COL4A1: variants seen among roughly 807,000 people sequenced by gnomAD.
COL4A1 encodes collagen alpha-1(IV) chain.
A neutral mutation model predicts 216.6 loss-of-function variants in COL4A1; 40 were observed. That is an observed-to-expected ratio of 0.18 (90% CI 0.14 to 0.24). The LOEUF (loss-of-function observed/expected upper bound fraction) is 0.24. COL4A1 is among the 10% of genes least tolerant of loss of function. The pLI, the probability that COL4A1 is intolerant of heterozygous loss-of-function variation, is 1.00. For synonymous variants in COL4A1, 839 were observed against 810.7 expected, an observed-to-expected ratio of 1.03 and a Z score of -0.59; for missense variants, 1,628 against 2,196.8, an observed-to-expected ratio of 0.74 and a Z score of 5.18.
chr13:110,303,431 A>G (rs1257503929), intron 1 of COL4A1, among the ~76,000 whole-genome samples: 1 of 152,190 alleles, frequency 6.6e-6, no homozygotes, highest in African/African-American at 2.4e-5. Context: ...AGCAAAGTTC[A>G]GCCACCAAGA....
rs1282243178 is a variant in COL4A1, at chr13:110,255,922, A to AG, written c.85-13189dup. Among the ~76,000 whole-genome samples, 7 of 112,178 alleles carry AG rather than the reference A, an allele frequency of 6.2e-5. 1 individual carries two copies. Among genetic ancestry groups the AG allele is most frequent in the Admixed American group, 5.1e-4 (5 of 9,860 alleles). The allele number at this position is 112,178 out of a possible 152,430, so 73.6% of individuals were successfully genotyped here. A position where few individuals can be genotyped will look rare whatever the true frequency, so the allele number is the denominator to read the frequency against. The stretch of plus-strand genomic sequence containing the variant: ...GAAGGGAGGGGGAAGGCAGGAAGGG[A>AG]GGGGGAAGGAGGCAGAGGAAAGAAA... On this transcript the variant is annotated intron_variant, in intron 1 of 51. Transcript: ENST00000375820.
intron 48 of COL4A1, 76 bp downstream of exon 48, chr13:110,162,154 G>T (rs535736541): frequency 1.5e-6 from 2 of 1,307,946 alleles, no homozygotes; most frequent in South Asian, 1.2e-5. Context: ...AGCAGCAGAG[G>T]CGAGTCCAGC....
At chr13:110,290,795 T>C (rs890773334) in intron 1 of COL4A1, among the ~76,000 whole-genome samples, 1 of 152,234 alleles carries the variant, frequency 6.6e-6, no homozygotes, top group Non-Finnish European at 1.5e-5. Flanking sequence ...CAATGATCTG[T>C]CAATATCACT....
intron 1 of COL4A1, among the ~76,000 whole-genome samples, chr13:110,272,265 T>G (rs1294994805): frequency 6.6e-6 from 1 of 152,222 alleles, no homozygotes; most frequent in Non-Finnish European, 1.5e-5. Context: ...CTACACACAT[T>G]TTTCCATAGA....
chr13:110,169,514 A>ACACC (rs1877505264), intron 43 of COL4A1, 115 bp downstream of exon 43: 2 of 1,531,478 alleles, frequency 1.3e-6, no homozygotes, highest in Non-Finnish European at 1.8e-6. Flanking sequence ...ACACACACAC[A>ACACC]CACACACACA....
intron 1 of COL4A1, among the ~76,000 whole-genome samples, chr13:110,304,910 C>A (rs567303071): frequency 5.3e-5 from 8 of 152,296 alleles, no homozygotes; most frequent in African/African-American, 1.9e-4. Flanking sequence ...AAATCCACAG[C>A]ATCTTATCAT....
chr13:110,194,958 A>C lies in COL4A1; in HGVS notation c.1381+65T>G. The C allele has an allele frequency of 2.8e-6, 4 of 1,437,864 alleles. No homozygotes were observed. In the South Asian group the frequency reaches 4.6e-5, roughly 17 times the overall value. The allele number at this position is 1,437,864 out of a possible 1,614,324, so 89.1% of individuals were successfully genotyped here. The stretch of plus-strand genomic sequence containing the variant: ...CCCCCACTTGGCTCCAAAGCCGGTA[A>C]GTATGTGGGAAAAAATCATACGCAA... On this transcript the variant is annotated intron_variant, in intron 22 of 51. Transcript: ENST00000375820.
chr13:110,199,730 C>A (rs1367924359), intron 20 of COL4A1, among the ~76,000 whole-genome samples: 2 of 152,164 alleles, frequency 1.3e-5, no homozygotes, highest in African/African-American at 4.8e-5. Flanking sequence ...GTGGGTAACT[C>A]CTCCAGCCAG....
chr13:110,150,485 A>T, intron 51 of COL4A1, 41 bp from the exon 52 acceptor site: 1 of 1,575,158 alleles, frequency 6.3e-7, no homozygotes, highest in Non-Finnish European at 8.7e-7. Flanking sequence ...CCATCATCTC[A>T]CAGCACGTCA....
chr13:110,293,770 A>T (rs1430414622), intron 1 of COL4A1, among the ~76,000 whole-genome samples: 1 of 152,222 alleles, frequency 6.6e-6, no homozygotes, highest in Non-Finnish European at 1.5e-5. Context: ...AGCTTTTCAC[A>T]TTATACCCTT....
intron 1 of COL4A1, among the ~76,000 whole-genome samples, chr13:110,279,461 T>G (rs775923781): frequency 1.3e-5 from 2 of 152,210 alleles, no homozygotes; most frequent in East Asian, 3.9e-4. Context: ...TGTAAGCTCC[T>G]TGAATGTGCA....
At chr13:110,246,111 G>A (rs1349095343) in intron 1 of COL4A1, among the ~76,000 whole-genome samples, 1 of 151,126 alleles carries the variant, frequency 6.6e-6, no homozygotes, top group Admixed American at 6.6e-5. Context: ...GTCACATTCT[G>A]GGTGGCCTAG....
intron 21 of COL4A1, among the ~76,000 whole-genome samples, chr13:110,196,492 AT>A (rs1878895514): frequency 6.6e-6 from 1 of 152,212 alleles, no homozygotes; most frequent in Non-Finnish European, 1.5e-5. Context: ...GCTCAAGAAT[AT>A]TGAGAGACAT....
At chr13:110,265,070 G>A (rs1057156646) in intron 1 of COL4A1, among the ~76,000 whole-genome samples, 2 of 152,212 alleles carry the variant, frequency 1.3e-5, no homozygotes, top group South Asian at 2.1e-4. Flanking sequence ...ATCATCGATC[G>A]GCCTTGACTG....
At chr13:110,172,613 G>T in intron 41 of COL4A1, 107 bp downstream of exon 41, 2 of 1,090,706 alleles carry the variant, frequency 1.8e-6, no homozygotes, top group Non-Finnish European at 2.8e-6. Context: ...TCCCGTTGCT[G>T]CCTGGCCAAC....
At chr13:110,219,710 A>G (rs1253069392) in intron 2 of COL4A1, among the ~76,000 whole-genome samples, 10 of 100,504 alleles carry the variant, frequency 9.9e-5, no homozygotes, top group African/African-American at 4.1e-4. Context: ...GTATATACAT[A>G]TGTGTATATA....
intron 28 of COL4A1, among the ~76,000 whole-genome samples, chr13:110,181,703 G>A (rs1878164780): frequency 6.6e-6 from 1 of 152,104 alleles, no homozygotes; most frequent in African/African-American, 2.4e-5. Flanking sequence ...GGCGCCTGCA[G>A]GTGAGAAGGG....
At chr13:110,259,248 A>G (rs1882706625) in intron 1 of COL4A1, among the ~76,000 whole-genome samples, 1 of 152,072 alleles carries the variant, frequency 6.6e-6, no homozygotes, top group Non-Finnish European at 1.5e-5. Context: ...TAATTGTTTT[A>G]TTTTTATTTT....
chr13:110,176,867 G>A lies in COL4A1; in HGVS notation c.2869+18C>T, dbSNP rs376519042. The stretch of plus-strand genomic sequence containing the variant: ...ATTGTGGTTCCGAGCTTGGCCATGA[G>A]AAGCCTCCTGGACTTGCCTTTCTCT... On this transcript the variant is annotated intron_variant, in intron 34 of 51. Transcript: ENST00000375820. 2 of 1,614,088 alleles carry A rather than the reference G, an allele frequency of 1.2e-6. No homozygotes were observed. Among genetic ancestry groups the A allele is most frequent in the African/African-American group, 2.7e-5 (2 of 74,948 alleles).
Sources: gnomAD v4.1 joint callset for allele counts (sites outside exome capture counted in the v4.1 genomes callset) on GRCh38, gnomAD v4.1.1 for gene constraint, MANE v1.5 for transcripts, NCBI Gene and HGNC (gene_info 2026-07-23, HGNC 2026-07-21) for gene names.